The following UBE3C variants were observed in gnomAD, a reference collection of about 807,000 sequenced individuals.
The protein encoded by UBE3C is ubiquitin-protein ligase E3C.
A neutral mutation model predicts 129.4 loss-of-function variants in UBE3C; 42 were observed. The observed-to-expected ratio is 0.32, with a 90% CI of 0.25 to 0.42. UBE3C has a LOEUF of 0.42. Ranked by LOEUF, UBE3C falls within the 10% of genes least tolerant of loss-of-function variation. The probability of loss-of-function intolerance (pLI) is 1.00; values close to 1 mark genes in which losing one functional copy is unlikely to be tolerated. For missense variants in UBE3C, 1,049 were observed against 1,319.1 expected (o/e 0.80, Z 3.17); for synonymous variants, 510 against 492.4 (o/e 1.04, Z -0.47).
intron 10 of UBE3C, chr7:157,192,698 C>T (rs553897540): frequency 1.3e-6 from 1 of 789,988 alleles, no homozygotes. Context: ...ATGAGAATGA[C>T]AAAATGAGCT....
At chr7:157,242,357 C>T (rs1212731459) in intron 18 of UBE3C, among the ~76,000 whole-genome samples, 1 of 152,118 alleles carries the variant, frequency 6.6e-6, no homozygotes, top group East Asian at 1.9e-4. Context: ...GCATCATTGT[C>T]CTCAAATTTC....
At chr7:157,151,036 C>G (rs1375958285) in intron 1 of UBE3C, among the ~76,000 whole-genome samples, 2 of 152,154 alleles carry the variant, frequency 1.3e-5, no homozygotes, top group Admixed American at 1.3e-4. Context: ...AGCTGCTGAG[C>G]AGACAGAGCA....
chr7:157,256,774 C>G (rs960323602), intron 21 of UBE3C, 140 bp from the exon 22 acceptor site: 2 of 1,035,320 alleles, frequency 1.9e-6, no homozygotes, highest in African/African-American at 1.6e-5. Flanking sequence ...ACAGGTGATA[C>G]ACACATGCCA....
chr7:157,225,964 G>A (rs1795868431), intron 17 of UBE3C, among the ~76,000 whole-genome samples: 1 of 152,094 alleles, frequency 6.6e-6, no homozygotes, highest in Non-Finnish European at 1.5e-5. Context: ...AAAAAGTGTA[G>A]CAAGTCAGAT....
chr7:157,209,817 A>G (rs1809539231), intron 13 of UBE3C, among the ~76,000 whole-genome samples: 1 of 152,246 alleles, frequency 6.6e-6, no homozygotes, highest in South Asian at 2.1e-4. Context: ...GTTAAATGAA[A>G]AGTTTGTACA....
chr7:157,181,513 T>C lies in UBE3C; in HGVS notation c.617-5T>C. 1 of 1,557,814 alleles carries C rather than the reference T, an allele frequency of 6.4e-7. No individual in the cohort carries two copies. Among genetic ancestry groups the C allele is most frequent in the Non-Finnish European group, 8.6e-7 (1 of 1,159,308 alleles). The stretch of plus-strand genomic sequence containing the variant: ...TAAATTTTAAATATGTGTTTTTCCT[T>C]TTAGGGTATTATAGGTCTCTATATT... On this transcript the variant is annotated splice_region_variant and splice_polypyrimidine_tract_variant and intron_variant, in intron 6 of 22. Coordinates refer to ENST00000348165, the MANE Select transcript of UBE3C (RefSeq NM_014671.3).
At chr7:157,238,001 G>A (rs983400865) in intron 18 of UBE3C, among the ~76,000 whole-genome samples, 19 of 152,060 alleles carry the variant, frequency 1.2e-4, no homozygotes, top group African/African-American at 3.4e-4. Context: ...GCAGTGAGCA[G>A]TGATGGCACC....
intron 22 of UBE3C, chr7:157,263,377 T>TA (rs1239087394): frequency 6.6e-6 from 1 of 152,436 alleles, no homozygotes; most frequent in Non-Finnish European, 1.5e-5. Context: ...TTGCCACACT[T>TA]ACAGAAAGTC....
At chr7:157,243,560 C>T (rs776051970) in intron 18 of UBE3C, among the ~76,000 whole-genome samples, 2 of 152,196 alleles carry the variant, frequency 1.3e-5, no homozygotes, top group East Asian at 1.9e-4. Flanking sequence ...GTGAGGCCCA[C>T]GGCCTGGCCC....
chr7:157,170,511 A>G (rs1808338436), intron 4 of UBE3C, 61 bp downstream of exon 4: 1 of 1,416,948 alleles, frequency 7.1e-7, no homozygotes, highest in Non-Finnish European at 9.3e-7. Flanking sequence ...TTTTGTTTAA[A>G]GTGGAAATGG....
chr7:157,139,323 C>G lies in UBE3C; in HGVS notation c.51C>G (p.Gly17=). The part of the protein sequence containing the change: ...DFKTRPKVSL[G]GASRKEEKAS... ...AGACGCGGCCCAAGGTGTCCCTTGG[C>G]GGCGCGAGCAGGAAGGTGAGGGCCG... The change falls in exon 1 of 23, where the codon GGC becomes GGG. Residue 17 remains glycine, a synonymous_variant. Coordinates refer to ENST00000348165, the MANE Select transcript of UBE3C (RefSeq NM_014671.3). The G allele has an allele frequency of 6.3e-7, 1 of 1,582,490 alleles. No individual in the cohort carries two copies. Among genetic ancestry groups the G allele is most frequent in the Non-Finnish European group, 8.5e-7 (1 of 1,172,176 alleles).
chr7:157,256,844 C>CCAAT (rs1796764705), intron 21 of UBE3C, 70 bp from the exon 22 acceptor site: 1 of 1,594,998 alleles, frequency 6.3e-7, no homozygotes, highest in African/African-American at 1.3e-5. Context: ...GGTGTCTGGA[C>CCAAT]CAATCCCTGT....
Position 157,216,850 on chromosome 7 carries a change from A to G in UBE3C, c.1810-17A>G, listed in dbSNP as rs779432775. ...CCGAGCTCACGTGTGTGACGCGGAT[A>G]TGTTCTTTCTTTTCAGGTTATCACC... On this transcript the variant is annotated splice_polypyrimidine_tract_variant and intron_variant, in intron 13 of 22. Transcript: ENST00000348165. 8.8e-6 allele frequency: 14 copies of G among 1,599,624 alleles called. No homozygotes were observed. The highest frequency in any genetic ancestry group is 1.1e-5 in the Non-Finnish European group (13 of 1,167,184).
intron 1 of UBE3C, among the ~76,000 whole-genome samples, chr7:157,156,591 C>T (rs913915258): frequency 6.6e-6 from 1 of 151,894 alleles, no homozygotes; most frequent in African/African-American, 2.4e-5. Flanking sequence ...CAGGCATGAG[C>T]ACCGCATCCG....
chr7:157,222,966 T>C, intron 15 of UBE3C: 1 of 288,192 alleles, frequency 3.5e-6, no homozygotes, highest in Non-Finnish European at 6.6e-6. Flanking sequence ...CCGCCAGTGC[T>C]AGGGCTAGCT....
chr7:157,261,682 C>T (rs898863513), intron 22 of UBE3C, among the ~76,000 whole-genome samples: 1 of 152,044 alleles, frequency 6.6e-6, no homozygotes, highest in African/African-American at 2.4e-5. Flanking sequence ...GGCAGGCAGG[C>T]ATAATTTTAA....
intron 18 of UBE3C, among the ~76,000 whole-genome samples, chr7:157,236,172 C>T (rs962073383): frequency 1.2e-4 from 18 of 152,130 alleles, no homozygotes; most frequent in African/African-American, 4.1e-4. Context: ...TGCATTTTGT[C>T]GCCTGTAAGT....
intron 15 of UBE3C, 39 bp from the exon 16 acceptor site, chr7:157,223,215 G>C (rs1176569050): frequency 6.3e-7 from 1 of 1,594,564 alleles, no homozygotes; most frequent in Admixed American, 1.7e-5. Context: ...GCAGGGGAAA[G>C]TACAAGTGAA....
intron 22 of UBE3C, 137 bp downstream of exon 22, chr7:157,257,181 G>C: frequency 8.2e-7 from 1 of 1,220,102 alleles, no homozygotes; most frequent in Non-Finnish European, 1.1e-6. Context: ...ATTAAGTACT[G>C]GTTATGATGT....
Sources: gnomAD v4.1 joint callset for allele counts (sites outside exome capture counted in the v4.1 genomes callset) on GRCh38, gnomAD v4.1.1 for gene constraint, MANE v1.5 for transcripts, NCBI Gene and HGNC (gene_info 2026-07-23, HGNC 2026-07-21) for gene names.